CACNA2D1: variants seen among roughly 807,000 people sequenced by gnomAD.
CACNA2D1 encodes calcium voltage-gated channel auxiliary subunit alpha2delta 1.
A neutral mutation model predicts 171.5 loss-of-function variants in CACNA2D1; 53 were observed. That is an observed-to-expected ratio of 0.31 (90% CI 0.25 to 0.39). The LOEUF (loss-of-function observed/expected upper bound fraction) is 0.39, where lower values mean the gene tolerates loss of function less well. Ranked by LOEUF, CACNA2D1 falls within the 10% of genes least tolerant of loss-of-function variation. The pLI is 1.00. For missense variants in CACNA2D1, 903 were observed against 1,299.8 expected (o/e 0.69, Z 4.69); for synonymous variants, 442 against 443.1 (o/e 1.00, Z 0.03).
intron 1 of CACNA2D1, among the ~76,000 whole-genome samples, chr7:82,359,727 C>A (rs1820869947): frequency 6.6e-6 from 1 of 152,120 alleles, no homozygotes; most frequent in African/African-American, 2.4e-5. Context: ...GTTACACATA[C>A]AGACATACTG....
chr7:82,068,861 G>A (rs2128988992), intron 7 of CACNA2D1, among the ~76,000 whole-genome samples: 1 of 151,980 alleles, frequency 6.6e-6, no homozygotes, highest in South Asian at 2.1e-4. Context: ...AATTAACTGT[G>A]ATATATATTA....
chr7:82,123,625 G>A (rs1789996870), intron 5 of CACNA2D1, among the ~76,000 whole-genome samples: 1 of 152,150 alleles, frequency 6.6e-6, no homozygotes, highest in Admixed American at 6.6e-5. Flanking sequence ...ACAGCATGGT[G>A]ACACAGTGTT....
intron 1 of CACNA2D1, among the ~76,000 whole-genome samples, chr7:82,423,942 G>T (rs1828945388): frequency 6.6e-6 from 1 of 152,108 alleles, no homozygotes; most frequent in Non-Finnish European, 1.5e-5. Context: ...TTTTATGGCT[G>T]TGGAATTTAA....
At chr7:82,426,602 G>C (rs1406471341) in intron 1 of CACNA2D1, among the ~76,000 whole-genome samples, 2 of 152,174 alleles carry the variant, frequency 1.3e-5, no homozygotes, top group Non-Finnish European at 2.9e-5. Flanking sequence ...ATTACAAGTA[G>C]TATGGTAATT....
chr7:82,399,692 C>A (rs1267880267), intron 1 of CACNA2D1, among the ~76,000 whole-genome samples: 4 of 137,732 alleles, frequency 2.9e-5, no homozygotes, highest in African/African-American at 5.4e-5. Flanking sequence ...CACTCCCCAC[C>A]CCCCCAGCCC....
chr7:82,319,669 G>T (rs2129437509), intron 3 of CACNA2D1, among the ~76,000 whole-genome samples: 1 of 152,302 alleles, frequency 6.6e-6, no homozygotes, highest in East Asian at 1.9e-4. Context: ...TGTAGAAAAT[G>T]AGTCATTATT....
chr7:82,317,386 A>G (rs979262183), intron 3 of CACNA2D1, among the ~76,000 whole-genome samples: 13 of 152,190 alleles, frequency 8.5e-5, no homozygotes, highest in African/African-American at 2.9e-4. Flanking sequence ...GGCTGAGAGG[A>G]AAAGTATGGC....
intron 12 of CACNA2D1, among the ~76,000 whole-genome samples, chr7:82,025,852 C>T (rs769213667): frequency 6.6e-5 from 10 of 151,696 alleles, no homozygotes; most frequent in Admixed American, 1.3e-4. Context: ...ATCTGTCTGG[C>T]TGTTCTATCC....
chr7:82,283,219 C>T (rs1360964107), intron 3 of CACNA2D1, among the ~76,000 whole-genome samples: 1 of 151,994 alleles, frequency 6.6e-6, no homozygotes, highest in African/African-American at 2.4e-5. Flanking sequence ...CTTTTCCATT[C>T]TGTGTTCCAG....
At chr7:82,232,365 T>C (rs1803035452) in intron 3 of CACNA2D1, among the ~76,000 whole-genome samples, 1 of 150,698 alleles carries the variant, frequency 6.6e-6, no homozygotes, top group Non-Finnish European at 1.5e-5. Flanking sequence ...TTCGCCTTTT[T>C]GTACTGCTGG....
intron 3 of CACNA2D1, among the ~76,000 whole-genome samples, chr7:82,221,685 A>T (rs549187210): frequency 6.6e-6 from 1 of 151,732 alleles, no homozygotes; most frequent in African/African-American, 2.4e-5. Flanking sequence ...TGGAGGTTGC[A>T]GTGAGCCAAG....
chr7:81,960,139 T>C (rs370675891), intron 36 of CACNA2D1, among the ~76,000 whole-genome samples: 7 of 152,230 alleles, frequency 4.6e-5, no homozygotes, highest in Admixed American at 6.6e-5. Flanking sequence ...AGTTTTTCTT[T>C]ACACATACAA....
At chr7:82,115,939 CA>C (rs1362601726) in intron 6 of CACNA2D1, among the ~76,000 whole-genome samples, 1 of 152,090 alleles carries the variant, frequency 6.6e-6, no homozygotes. Flanking sequence ...CTCCATTTTA[CA>C]GATGAGAAAA....
intron 7 of CACNA2D1, among the ~76,000 whole-genome samples, chr7:82,068,779 C>G (rs1246560202): frequency 2.0e-5 from 3 of 151,994 alleles, no homozygotes; most frequent in African/African-American, 7.2e-5. Context: ...AGTTATGTTT[C>G]AATTAGATTT....
intron 1 of CACNA2D1, among the ~76,000 whole-genome samples, chr7:82,383,677 T>C: frequency 6.6e-6 from 1 of 152,242 alleles, no homozygotes; most frequent in East Asian, 1.9e-4. Flanking sequence ...TTTTTAATGC[T>C]TTTGGTTTAT....
intron 3 of CACNA2D1, among the ~76,000 whole-genome samples, chr7:82,302,838 T>C (rs1813198221): frequency 6.6e-6 from 1 of 152,150 alleles, no homozygotes; most frequent in South Asian, 2.1e-4. Flanking sequence ...CTAAATATAA[T>C]TGTCTACTAA....
At chr7:82,214,313 A>C (rs377539866) in intron 3 of CACNA2D1, among the ~76,000 whole-genome samples, 1 of 152,144 alleles carries the variant, frequency 6.6e-6, no homozygotes, top group African/African-American at 2.4e-5. Context: ...AGTTGGTGAG[A>C]TAGTGCTCTT....
chr7:81,967,080 T>G (rs1794778061), intron 31 of CACNA2D1, 89 bp downstream of exon 31: 10 of 897,418 alleles, frequency 1.1e-5, no homozygotes, highest in Non-Finnish European at 1.8e-6. Context: ...GATTAAAAAA[T>G]TCCTGCATAT....
At chr7:82,094,151 C>A (rs1811574459) in intron 6 of CACNA2D1, among the ~76,000 whole-genome samples, 1 of 151,858 alleles carries the variant, frequency 6.6e-6, no homozygotes, top group Non-Finnish European at 1.5e-5. Flanking sequence ...ATGGAAAGAT[C>A]AGATCCATTG....
Sources: allele counts gnomAD v4.1 joint callset (sites outside exome capture counted in the v4.1 genomes callset), GRCh38; gene constraint gnomAD v4.1.1; transcripts MANE v1.5; gene names NCBI Gene and HGNC (gene_info 2026-07-23, HGNC 2026-07-21).